CEP112: variants seen among roughly 807,000 people sequenced by gnomAD.
The protein encoded by CEP112 is centrosomal protein of 112 kDa.
In CEP112, 127 loss-of-function variants were observed where a neutral mutation model predicts 153.0. That is an observed-to-expected ratio of 0.83 (90% CI 0.72 to 0.96). The LOEUF (loss-of-function observed/expected upper bound fraction) is 0.96, where lower values mean the gene tolerates loss of function less well. CEP112 is among the 40% of genes least tolerant of loss of function. The probability of loss-of-function intolerance (pLI) is 0.00; values close to 1 mark genes in which losing one functional copy is unlikely to be tolerated. For missense variants in CEP112, 1,089 were observed against 1,101.2 expected, an observed-to-expected ratio of 0.99 and a Z score of 0.16; for synonymous variants, 358 against 374.4, an observed-to-expected ratio of 0.96 and a Z score of 0.51.
At chr17:65,937,236 A>G (rs1599071900) in intron 18 of CEP112, among the ~76,000 whole-genome samples, 1 of 112,554 alleles carries the variant, frequency 8.9e-6, no homozygotes, top group Non-Finnish European at 1.8e-5. Flanking sequence ...CCCGGCCGCC[A>G]CCCCGTCTGG....
At chr17:65,807,073 A>T (rs867725194) in intron 21 of CEP112, among the ~76,000 whole-genome samples, 76 of 152,350 alleles carry the variant, frequency 5.0e-4, no homozygotes, top group African/African-American at 1.7e-3. Flanking sequence ...AATGAGGTCC[A>T]GGCTGAAGTG....
rs1598150324 is a variant in CEP112 at position 65,636,992 on chromosome 17, C to A, written c.2864+132G>T. ...TGACTTCTTAAAGACATGCTACTTA[C>A]TAAAAACAAGTCTTTTTCAAAACTT... is the stretch of plus-strand genomic sequence containing the variant. On this transcript the variant is annotated intron_variant, in intron 26 of 26. Transcript: ENST00000535342. 33 of 690,906 alleles carry A rather than the reference C, an allele frequency of 4.8e-5. No homozygotes were observed. In the East Asian group the frequency reaches 8.6e-4, roughly 18 times the overall value. 42.8% of individuals were successfully genotyped at this position (690,906 alleles called of 1,614,324 possible).
chr17:65,637,114 T>C lies in CEP112; in HGVS notation c.2864+10A>G, dbSNP rs749101160. 1.2e-6 allele frequency: 2 copies of C among 1,611,346 alleles called. No homozygotes were observed. Among genetic ancestry groups the C allele is most frequent in the Admixed American group, 1.7e-5 (1 of 60,006 alleles). The stretch of plus-strand genomic sequence containing the variant: ...AATCAGGAGACAAGACACCTGCTTA[T>C]GGGCTGTACCTTCTGCCTTGATATG... On this transcript the variant is annotated intron_variant, in intron 26 of 26. Transcript: ENST00000535342.
At chr17:66,031,667 G>T (rs2065492231) in intron 12 of CEP112, among the ~76,000 whole-genome samples, 1 of 151,694 alleles carries the variant, frequency 6.6e-6, no homozygotes, top group African/African-American at 2.4e-5. Context: ...TCACTATGTT[G>T]GCCAGGCTGG....
intron 6 of CEP112, among the ~76,000 whole-genome samples, chr17:66,120,621 C>T (rs1598390934): frequency 6.6e-6 from 1 of 152,290 alleles, no homozygotes; most frequent in South Asian, 2.1e-4. Flanking sequence ...TTTTCCCTTT[C>T]ATCTACATTG....
chr17:65,665,301 G>A lies in CEP112; in HGVS notation c.2697+23828C>T, dbSNP rs1006591162. On this transcript the variant is annotated intron_variant, in intron 24 of 26. Coordinates refer to ENST00000535342, the MANE Select transcript of CEP112 (RefSeq NM_001199165.4). ...GGTCAGGACAGGAGGTACATTAAGA[G>A]CCTCAGTCCATCAGCTGCAGACAAC... 5.3e-5 allele frequency among the ~76,000 whole-genome samples: 8 copies of A among 152,322 alleles called. No homozygotes were observed. In the East Asian group the frequency reaches 1.3e-3, roughly 26 times the overall value.
At chr17:66,177,476 A>G (rs1032097636) in intron 2 of CEP112, among the ~76,000 whole-genome samples, 1 of 152,248 alleles carries the variant, frequency 6.6e-6, no homozygotes, top group African/African-American at 2.4e-5. Flanking sequence ...ATATTTAGGC[A>G]GTACATGAGA....
intron 21 of CEP112, among the ~76,000 whole-genome samples, chr17:65,786,271 C>G (rs2054268634): frequency 6.6e-6 from 1 of 151,778 alleles, no homozygotes; most frequent in Middle Eastern, 3.4e-3. Flanking sequence ...ATCTTATATC[C>G]TGCAACCTTG....
At chr17:66,128,847 A>G (rs2069987637) in intron 6 of CEP112, among the ~76,000 whole-genome samples, 1 of 152,204 alleles carries the variant, frequency 6.6e-6, no homozygotes, top group African/African-American at 2.4e-5. Flanking sequence ...TAAATTGCAT[A>G]TAAGATAGCA....
intron 23 of CEP112, among the ~76,000 whole-genome samples, chr17:65,702,879 A>G (rs2048710626): frequency 6.6e-6 from 1 of 152,164 alleles, no homozygotes; most frequent in African/African-American, 2.4e-5. Context: ...ATTCACTGTC[A>G]CAAGAACAGA....
intron 21 of CEP112, among the ~76,000 whole-genome samples, chr17:65,771,682 G>A (rs990843538): frequency 6.6e-6 from 1 of 152,040 alleles, no homozygotes; most frequent in Non-Finnish European, 1.5e-5. Context: ...CTTAATTTTT[G>A]TAAAGTAAAA....
chr17:66,177,682 G>A (rs536667590), intron 2 of CEP112, among the ~76,000 whole-genome samples: 2 of 152,134 alleles, frequency 1.3e-5, no homozygotes, highest in African/African-American at 4.8e-5. Flanking sequence ...TTCACTCTAT[G>A]TTTTTGTACC....
intron 19 of CEP112, among the ~76,000 whole-genome samples, chr17:65,922,587 T>C (rs964728053): frequency 3.9e-5 from 6 of 152,224 alleles, no homozygotes; most frequent in African/African-American, 1.4e-4. Context: ...GTGATTATCA[T>C]CAAAATGAGA....
At chr17:65,910,131 T>C (rs2143791567) in intron 19 of CEP112, among the ~76,000 whole-genome samples, 1 of 152,252 alleles carries the variant, frequency 6.6e-6, no homozygotes, top group South Asian at 2.1e-4. Context: ...CATTAATAAA[T>C]TGTTAAAAGA....
At chr17:65,975,424 CAT>C (rs994816872) in intron 17 of CEP112, among the ~76,000 whole-genome samples, 4 of 152,022 alleles carry the variant, frequency 2.6e-5, no homozygotes, top group Non-Finnish European at 2.9e-5. Context: ...TAAAAACACA[CAT>C]ATGTAAATAT....
chr17:65,920,363 A>C (rs2060660357), intron 19 of CEP112, among the ~76,000 whole-genome samples: 1 of 3,840 alleles, frequency 2.6e-4, no homozygotes, highest in African/African-American at 1.1e-3. Flanking sequence ...AACAAACAAA[A>C]TATATATATA....
chr17:66,103,155 G>T lies in CEP112; in HGVS notation c.643-6523C>A, dbSNP rs1024816621. On this transcript the variant is annotated intron_variant, in intron 6 of 26. Transcript: ENST00000535342. ...CAGGAGAACTGCTTGAACCCAGGAG[G>T]TGAAGGTTGCAGTGGGCCGAGATAG... Among the ~76,000 whole-genome samples, 22 of 152,062 alleles carry T rather than the reference G, an allele frequency of 1.4e-4. 2 individuals are homozygous for T. In the East Asian group the frequency reaches 4.3e-3, roughly 30 times the overall value.
intron 21 of CEP112, among the ~76,000 whole-genome samples, chr17:65,819,894 C>A (rs1002759501): frequency 6.6e-6 from 1 of 151,882 alleles, no homozygotes; most frequent in African/African-American, 2.4e-5. Flanking sequence ...CCTAGAACAA[C>A]AAGAAGGACT....
intron 8 of CEP112, among the ~76,000 whole-genome samples, chr17:66,089,566 T>C (rs962825941): frequency 6.6e-6 from 1 of 152,064 alleles, no homozygotes; most frequent in African/African-American, 2.4e-5. Context: ...CACAACTGAA[T>C]TGATCAAGCA....
Sources: allele counts gnomAD v4.1 joint callset (sites outside exome capture counted in the v4.1 genomes callset), GRCh38; gene constraint gnomAD v4.1.1; transcripts MANE v1.5; gene names NCBI Gene and HGNC (gene_info 2026-07-23, HGNC 2026-07-21).